The following MEGF11 variants were observed in gnomAD, a reference collection of about 807,000 sequenced individuals.
MEGF11 encodes multiple epidermal growth factor-like domains protein 11.
A neutral mutation model predicts 146.6 loss-of-function variants in MEGF11; 126 were observed. The ratio of observed to expected loss-of-function variants is 0.86; its 90% CI spans 0.74 to 1.00. MEGF11 has a LOEUF of 1.00. MEGF11 is among the 50% of genes least tolerant of loss of function. The pLI is 0.00. For synonymous variants in MEGF11, 532 were observed against 583.4 expected (o/e 0.91, Z 1.27); for missense variants, 1,509 against 1,521.2 (o/e 0.99, Z 0.13).
At chr15:66,236,232 G>A (rs2092088175) in intron 1 of MEGF11, among the ~76,000 whole-genome samples, 1 of 152,210 alleles carries the variant, frequency 6.6e-6, no homozygotes, top group Non-Finnish European at 1.5e-5. Flanking sequence ...GCGGCTTGGT[G>A]CTACCCAAGC....
At chr15:66,004,029 G>A (rs760349628) in intron 5 of MEGF11, among the ~76,000 whole-genome samples, 2 of 152,160 alleles carry the variant, frequency 1.3e-5, no homozygotes, top group Non-Finnish European at 2.9e-5. Flanking sequence ...TTCCAGTGGT[G>A]ATTTCTCTGA....
intron 13 of MEGF11, among the ~76,000 whole-genome samples, chr15:65,925,105 C>T (rs577060629): frequency 6.6e-6 from 1 of 152,330 alleles, no homozygotes; most frequent in South Asian, 2.1e-4. Flanking sequence ...AGACAGTGCT[C>T]TCTCCTAAAA....
At chr15:66,087,088 A>G (rs1416723475) in intron 5 of MEGF11, among the ~76,000 whole-genome samples, 1 of 152,272 alleles carries the variant, frequency 6.6e-6, no homozygotes, top group Non-Finnish European at 1.5e-5. Context: ...GGGATATTAT[A>G]CAATGGTAAA....
intron 1 of MEGF11, among the ~76,000 whole-genome samples, chr15:66,202,004 G>A (rs188083328): frequency 7.0e-4 from 102 of 145,090 alleles, no homozygotes; most frequent in African/African-American, 2.2e-3. Flanking sequence ...TCTTGATCCC[G>A]GTGGGGTGGG....
At chr15:66,111,384 C>T (rs182574672) in intron 4 of MEGF11, among the ~76,000 whole-genome samples, 1 of 152,336 alleles carries the variant, frequency 6.6e-6, no homozygotes, top group Admixed American at 6.5e-5. Flanking sequence ...TGCAGCTCCT[C>T]ATGCTACAAA....
intron 5 of MEGF11, among the ~76,000 whole-genome samples, chr15:66,019,129 G>A (rs1413220859): frequency 2.0e-5 from 3 of 152,298 alleles, no homozygotes; most frequent in African/African-American, 7.2e-5. Context: ...AAAGAGGGGA[G>A]GGTGCAGCGA....
At chr15:65,922,206 G>T in intron 15 of MEGF11, 132 bp downstream of exon 15, 2 of 1,111,630 alleles carry the variant, frequency 1.8e-6, no homozygotes, top group Non-Finnish European at 1.3e-6. Context: ...CATAAAGGCA[G>T]CCCAAGTCCT....
chr15:65,916,404 C>T, intron 17 of MEGF11, 128 bp from the exon 18 acceptor site: 3 of 1,182,856 alleles, frequency 2.5e-6, no homozygotes, highest in Non-Finnish European at 3.5e-6. Context: ...AGACCCTGCA[C>T]CAGAGTTGTC....
intron 5 of MEGF11, among the ~76,000 whole-genome samples, chr15:66,065,765 T>C (rs1392102589): frequency 1.3e-5 from 2 of 152,192 alleles, no homozygotes; most frequent in Non-Finnish European, 2.9e-5. Flanking sequence ...TTCCTGTCTT[T>C]TCCACTTGGC....
At chr15:66,137,763 G>A (rs1433913284) in intron 1 of MEGF11, among the ~76,000 whole-genome samples, 1 of 151,844 alleles carries the variant, frequency 6.6e-6, no homozygotes, top group African/African-American at 2.4e-5. Flanking sequence ...GCCCAGACTG[G>A]TCTGGAACTC....
intron 1 of MEGF11, among the ~76,000 whole-genome samples, chr15:66,228,043 G>A (rs2091890726): frequency 6.6e-6 from 1 of 152,108 alleles, no homozygotes. Flanking sequence ...TGTGACTATG[G>A]GCAGGTCACT....
chr15:66,125,696 A>G (rs1466654306), intron 2 of MEGF11, among the ~76,000 whole-genome samples: 2 of 152,250 alleles, frequency 1.3e-5, no homozygotes, highest in Non-Finnish European at 2.9e-5. Context: ...TAAGTGTTTA[A>G]TAGATGTTGA....
At chr15:66,163,301 T>A (rs1326701225) in intron 1 of MEGF11, among the ~76,000 whole-genome samples, 3 of 152,190 alleles carry the variant, frequency 2.0e-5, no homozygotes, top group Non-Finnish European at 4.4e-5. Context: ...AAGTTGCACA[T>A]AACCATTACT....
intron 5 of MEGF11, among the ~76,000 whole-genome samples, chr15:66,081,773 T>C (rs1489848194): frequency 6.6e-6 from 1 of 152,192 alleles, no homozygotes; most frequent in Non-Finnish European, 1.5e-5. Flanking sequence ...CTTTCCTGTA[T>C]GTTAAGGCAC....
chr15:66,066,205 C>A (rs918193387), intron 5 of MEGF11, among the ~76,000 whole-genome samples: 1 of 152,128 alleles, frequency 6.6e-6, no homozygotes, highest in Non-Finnish European at 1.5e-5. Flanking sequence ...GGTGCCAGGA[C>A]ATTTCCCTGA....
intron 5 of MEGF11, among the ~76,000 whole-genome samples, chr15:66,015,329 G>A (rs1043123905): frequency 6.6e-6 from 1 of 152,234 alleles, no homozygotes; most frequent in Non-Finnish European, 1.5e-5. Context: ...TGATGCAAAA[G>A]TTGCTCTCGG....
intron 1 of MEGF11, among the ~76,000 whole-genome samples, chr15:66,167,835 C>T (rs559776895): frequency 5.9e-5 from 9 of 152,300 alleles, no homozygotes; most frequent in South Asian, 2.1e-4. Context: ...GTTTTAACCA[C>T]GCTGGTGCCT....
chr15:66,008,411 G>GCACACACACACA (rs995843726), intron 5 of MEGF11, among the ~76,000 whole-genome samples: 48 of 52,092 alleles, frequency 9.2e-4, no homozygotes, highest in African/African-American at 2.2e-3. Flanking sequence ...ACGCGCGCGC[G>GCACACACACACA]CACACACACA....
At chr15:66,121,563 T>G (rs2088025794) in intron 3 of MEGF11, among the ~76,000 whole-genome samples, 1 of 152,122 alleles carries the variant, frequency 6.6e-6, no homozygotes, top group South Asian at 2.1e-4. Flanking sequence ...CTGGGCAAGT[T>G]AGCACAACAA....
Sources: gnomAD v4.1 joint callset for allele counts (sites outside exome capture counted in the v4.1 genomes callset) on GRCh38, gnomAD v4.1.1 for gene constraint, MANE v1.5 for transcripts, NCBI Gene and HGNC (gene_info 2026-07-23, HGNC 2026-07-21) for gene names.